The following ADGRG4 variants were observed in gnomAD, a reference collection of about 807,000 sequenced individuals.
ADGRG4 encodes the protein G protein-coupled receptor 112.
Under a neutral mutation model 126.2 loss-of-function variants are expected in ADGRG4, and 122 were observed. The ratio of observed to expected loss-of-function variants is 0.97; its 90% confidence interval spans 0.83 to 1.12. The LOEUF is 1.12. Ranked by LOEUF, ADGRG4 falls within the 50% of genes most tolerant of loss-of-function variation. ADGRG4 has a pLI of 0.00. For missense variants in ADGRG4, 2,481 were observed against 2,251.8 expected (o/e 1.10, Z -2.06); for synonymous variants, 943 against 838.7 (o/e 1.12, Z -2.15).
rs1327171514 is a variant in ADGRG4 at position 136,304,128 on chromosome X, T to G, written c.-253-5T>G. On this transcript the variant is annotated splice_polypyrimidine_tract_variant and splice_region_variant and intron_variant, in intron 1 of 25. Transcript: ENST00000394143. ...AATTTCAGCCAATTTCCTACTTCTC[T>G]GTAGATATGGAGAGCAGATGGTCAA... 9.0e-6 allele frequency: 1 copy of G among 111,664 alleles called. No homozygotes were observed. The highest frequency in any genetic ancestry group is 1.9e-5 in the Non-Finnish European group (1 of 53,121). The allele number at this position is 111,664 out of a possible 1,213,427, so 9.2% of individuals were successfully genotyped here. A position where few individuals can be genotyped will look rare whatever the true frequency, so the allele number is the denominator to read the frequency against.
intron 15 of ADGRG4, among the ~76,000 whole-genome samples, chrX:136,375,106 C>G (rs1196691410): frequency 9.0e-6 from 1 of 111,086 alleles, no homozygotes; most frequent in Non-Finnish European, 1.9e-5. Flanking sequence ...CATAGTCTAG[C>G]TCCTACTTAT....
chrX:136,319,177 C>T (rs1341368733), intron 4 of ADGRG4, among the ~76,000 whole-genome samples: 1 of 112,656 alleles, frequency 8.9e-6, no homozygotes, highest in African/African-American at 3.2e-5. Flanking sequence ...AAGCCCCTCT[C>T]CACCTTGTCA....
intron 5 of ADGRG4, 137 bp from the exon 6 acceptor site, chrX:136,344,255 A>G: frequency 2.2e-6 from 1 of 455,697 alleles, no homozygotes; most frequent in Middle Eastern, 6.2e-4. Context: ...TATCTTAAGG[A>G]AAATCAAGTG....
intron 7 of ADGRG4, among the ~76,000 whole-genome samples, chrX:136,352,253 G>A (rs1411120531): frequency 9.0e-6 from 1 of 111,396 alleles, no homozygotes; most frequent in Non-Finnish European, 1.9e-5. Flanking sequence ...ATTCATGCTG[G>A]TAAATATAAA....
intron 13 of ADGRG4, among the ~76,000 whole-genome samples, chrX:136,369,540 T>G (rs1230431975): frequency 8.9e-6 from 1 of 112,242 alleles, no homozygotes; most frequent in African/African-American, 3.2e-5. Flanking sequence ...ACTTTCATTC[T>G]GCCACAGCAG....
At chrX:136,415,716 G>T (rs2075472121) in intron 25 of ADGRG4, among the ~76,000 whole-genome samples, 1 of 111,808 alleles carries the variant, frequency 8.9e-6, no homozygotes, top group Non-Finnish European at 1.9e-5. Context: ...GTTGGGGCTG[G>T]TTGGAAAATA....
intron 21 of ADGRG4, 87 bp downstream of exon 21, chrX:136,400,203 G>A: frequency 2.5e-6 from 2 of 790,804 alleles, no homozygotes; most frequent in Non-Finnish European, 3.6e-6. Context: ...TAATATCATA[G>A]GTAAAAAATT....
Position 136,348,168 on chromosome X carries a change from G to C in ADGRG4, c.4462G>C (p.Ala1488Pro). 1 of 1,208,509 alleles carries C rather than the reference G, an allele frequency of 8.3e-7. No individual in the cohort carries two copies. The highest frequency in any genetic ancestry group is 1.1e-6 in the Non-Finnish European group (1 of 892,949). The change falls in exon 6 of 26, where the codon GCC becomes CCC. Residue 1488 changes from alanine to proline, a missense_variant. Coordinates refer to ENST00000394143, the MANE Select transcript of ADGRG4 (RefSeq NM_153834.4). ...AGTTCTCTCCGACAGGATCACTACA[G>C]CCTTTTCTGTTCCAAATGTACCTAC... ...FTVLSDRITT[A>P]FSVPNVPTML...
intron 3 of ADGRG4, chrX:136,306,055 A>C (rs781082833): frequency 8.9e-6 from 1 of 112,044 alleles, no homozygotes; most frequent in South Asian, 3.7e-4. Context: ...GGACAGCAGA[A>C]AATGAGTCTC....
chrX:136,330,480 T>TA (rs2074902495), intron 5 of ADGRG4, among the ~76,000 whole-genome samples: 1 of 110,269 alleles, frequency 9.1e-6, no homozygotes, highest in Non-Finnish European at 1.9e-5. Context: ...CTGAGTAGTA[T>TA]TCCATGGTAT....
chrX:136,321,710 C>T (rs1267369719), intron 4 of ADGRG4, among the ~76,000 whole-genome samples: 1 of 111,937 alleles, frequency 8.9e-6, no homozygotes, highest in Non-Finnish European at 1.9e-5. Context: ...TATCATCACT[C>T]ATCTGCAGCT....
At chrX:136,337,778 A>T (rs920216091) in intron 5 of ADGRG4, among the ~76,000 whole-genome samples, 5 of 112,004 alleles carry the variant, frequency 4.5e-5, no homozygotes, top group African/African-American at 1.6e-4. Context: ...CTTGCCACAG[A>T]TTTCTTTGGC....
At chrX:136,301,865 C>T (rs1050878325) in intron 1 of ADGRG4, among the ~76,000 whole-genome samples, 8 of 111,897 alleles carry the variant, frequency 7.1e-5, no homozygotes, top group African/African-American at 1.6e-4. Context: ...TTGTTTTTCT[C>T]AGGTTTGTCA....
intron 5 of ADGRG4, among the ~76,000 whole-genome samples, chrX:136,341,823 T>C (rs745522960): frequency 3.5e-4 from 39 of 111,750 alleles, no homozygotes; most frequent in Non-Finnish European, 6.8e-4. Flanking sequence ...ACCTCAAAAT[T>C]TCTGGATATG....
At chrX:136,399,191 G>A (rs986909562) in intron 20 of ADGRG4, among the ~76,000 whole-genome samples, 3 of 111,458 alleles carry the variant, frequency 2.7e-5, no homozygotes, top group African/African-American at 9.8e-5. Context: ...CTCTTGATCT[G>A]TGTCGAAGTT....
At position 136,346,829 on chromosome X, in the gene ADGRG4, G is replaced by A; in HGVS notation, c.3123G>A (p.Arg1041=). The A allele has an allele frequency of 8.3e-7, 1 of 1,211,043 alleles. No individual in the cohort carries two copies. ...TGTCTGAGCCTTCTACACTGGCCAG[G>A]GCTTTTTCTACATCTGTGCTCTCAG... ...VTMSEPSTLA[R]AFSTSVLSDV... is the part of the protein sequence containing the mutation. The change falls in exon 6 of 26, where the codon AGG becomes AGA. Residue 1041 remains arginine (R), a synonymous_variant. Transcript: ENST00000394143.
At position 136,403,282 on chromosome X, in the gene ADGRG4, A is replaced by T. The variant is rs754187164; in HGVS notation, c.8614A>T (p.Lys2872Ter). Residue 2872 changes from lysine to a stop codon, truncating the protein, a stop_gained, in exon 22 of 26, where the codon AAA becomes TAA. Transcript: ENST00000394143. LOFTEE classifies it high-confidence loss of function. ...AIMVAITVSV[K>*]KDLYGTLSPT... Reference sequence around the variant, plus strand: ...CATGGTGGCAATCACAGTCAGTGTGAAAAAAGATCTGTATGGAACTCTGAG... The same window carrying T: ...CATGGTGGCAATCACAGTCAGTGTGTAAAAAGATCTGTATGGAACTCTGAG... 17 of 1,208,358 alleles carry T rather than the reference A, an allele frequency of 1.4e-5. No individual in the cohort carries two copies.
At chrX:136,365,262 G>A (rs1300641366) in intron 13 of ADGRG4, among the ~76,000 whole-genome samples, 1 of 111,049 alleles carries the variant, frequency 9.0e-6, no homozygotes, top group Non-Finnish European at 1.9e-5. Flanking sequence ...AAGAAACCCT[G>A]TACCCATTAG....
At chrX:136,314,467 T>G (rs2074792692) in intron 4 of ADGRG4, among the ~76,000 whole-genome samples, 1 of 111,443 alleles carries the variant, frequency 9.0e-6, no homozygotes, top group Non-Finnish European at 1.9e-5. Flanking sequence ...CCAAGCACAG[T>G]CCCACCAAAA....
Sources: allele counts gnomAD v4.1 joint callset (sites outside exome capture counted in the v4.1 genomes callset), GRCh38; gene constraint gnomAD v4.1.1; transcripts MANE v1.5; gene names NCBI Gene and HGNC (gene_info 2026-07-23, HGNC 2026-07-21).